The following JAM3 variants were observed in gnomAD, a reference collection of about 807,000 sequenced individuals.
The protein encoded by JAM3 is junctional adhesion molecule 3, also known as junctional adhesion molecule C.
A neutral mutation model predicts 39.4 loss-of-function variants in JAM3; 31 were observed. The observed-to-expected ratio is 0.79, with a 90% CI of 0.59 to 1.06. JAM3 has a LOEUF of 1.06. JAM3 is among the 50% of genes least tolerant of loss of function. JAM3 has a pLI of 0.00. For synonymous variants in JAM3, 182 were observed against 148.7 expected (o/e 1.22, Z -1.63); for missense variants, 455 against 391.4 (o/e 1.16, Z -1.37).
At chr11:134,127,796 C>T (rs1942679547) in intron 1 of JAM3, among the ~76,000 whole-genome samples, 1 of 152,194 alleles carries the variant, frequency 6.6e-6, no homozygotes, top group South Asian at 2.1e-4. Context: ...GTGACAACCG[C>T]TGCTCCTAGA....
intron 1 of JAM3, among the ~76,000 whole-genome samples, chr11:134,069,590 T>G (rs1941454855): frequency 6.6e-6 from 1 of 151,644 alleles, no homozygotes; most frequent in Admixed American, 6.5e-5. Flanking sequence ...CGGGGTCCTG[T>G]GCTGGGCGGT....
chr11:134,077,269 G>T (rs1243658641), intron 1 of JAM3, among the ~76,000 whole-genome samples: 1 of 151,956 alleles, frequency 6.6e-6, no homozygotes, highest in Non-Finnish European at 1.5e-5. Flanking sequence ...CATGTCTTTT[G>T]AGAAGTATCT....
At chr11:134,076,993 CCTGA>C (rs1176155844) in intron 1 of JAM3, among the ~76,000 whole-genome samples, 8 of 151,980 alleles carry the variant, frequency 5.3e-5, no homozygotes, top group African/African-American at 1.2e-4. Context: ...TGCCATCATG[CCTGA>C]CTAATTTTTG....
At chr11:134,103,689 C>CA (rs569203032) in intron 1 of JAM3, among the ~76,000 whole-genome samples, 106 of 150,818 alleles carry the variant, frequency 7.0e-4, no homozygotes, top group African/African-American at 1.9e-3. Flanking sequence ...AAGTGGAAAA[C>CA]AAAAAAAAGG....
chr11:134,125,697 A>G lies in JAM3; in HGVS notation c.77-14154A>G, dbSNP rs1207375250. Among the ~76,000 whole-genome samples, 4 of 152,180 alleles carry G rather than the reference A, an allele frequency of 2.6e-5. No homozygotes were observed. In the East Asian group the frequency reaches 7.7e-4, roughly 29 times the overall value. On this transcript the variant is annotated intron_variant, in intron 1 of 8. Transcript: ENST00000299106. ...GCTGTGAGACGCAGCACAGAATGTG[A>G]GCCCCGACAATACTCAGGAGAATGT... is the stretch of plus-strand genomic sequence containing the variant.
At chr11:134,145,054 T>C in intron 5 of JAM3, 60 bp downstream of exon 5, 1 of 1,354,602 alleles carries the variant, frequency 7.4e-7, no homozygotes, top group Non-Finnish European at 1.1e-6. Context: ...GAGATGCTTA[T>C]TGTGAAAAGA....
intron 1 of JAM3, among the ~76,000 whole-genome samples, chr11:134,128,794 T>C (rs1942705216): frequency 6.6e-6 from 1 of 152,194 alleles, no homozygotes; most frequent in African/African-American, 2.4e-5. Context: ...ACCCAGTCTC[T>C]GGTAGTTCTT....
chr11:134,078,501 A>G (rs1225174544), intron 1 of JAM3, among the ~76,000 whole-genome samples: 2 of 152,256 alleles, frequency 1.3e-5, no homozygotes, highest in African/African-American at 4.8e-5. Context: ...GCCTACAGCT[A>G]TATTGGTTTG....
At chr11:134,117,294 T>A (rs1942454168) in intron 1 of JAM3, among the ~76,000 whole-genome samples, 1 of 152,168 alleles carries the variant, frequency 6.6e-6, no homozygotes, top group South Asian at 2.1e-4. Flanking sequence ...GAAGAATTGC[T>A]TGAACCCGGG....
intron 1 of JAM3, among the ~76,000 whole-genome samples, chr11:134,133,287 C>A (rs1415776682): frequency 2.0e-5 from 3 of 152,050 alleles, no homozygotes; most frequent in Non-Finnish European, 4.4e-5. Context: ...CTTTTTTGTC[C>A]TTTTCTTGAC....
chr11:134,072,767 G>A (rs370622352), intron 1 of JAM3, among the ~76,000 whole-genome samples: 2 of 152,136 alleles, frequency 1.3e-5, no homozygotes, highest in African/African-American at 2.4e-5. Flanking sequence ...AAAATTAGCC[G>A]GGCGTGCTGG....
intron 1 of JAM3, among the ~76,000 whole-genome samples, chr11:134,115,301 AAATCT>A (rs1383296273): frequency 2.6e-5 from 4 of 152,116 alleles, no homozygotes; most frequent in South Asian, 4.2e-4. Context: ...TTTTAGGAGA[AAATCT>A]AATCTAACAA....
At chr11:134,106,650 C>T (rs1295546712) in intron 1 of JAM3, among the ~76,000 whole-genome samples, 2 of 152,140 alleles carry the variant, frequency 1.3e-5, no homozygotes, top group East Asian at 1.9e-4. Context: ...AAGAAAAAAA[C>T]CTCATCAACA....
In JAM3 at chr11:134,149,685, C is replaced by T. The variant is rs1266159933; in HGVS notation, c.*504C>T. On this transcript the variant is annotated 3_prime_UTR_variant, in exon 9 of 9. Coordinates refer to ENST00000299106, the MANE Select transcript of JAM3 (RefSeq NM_032801.5). The stretch of plus-strand genomic sequence containing the variant: ...CCCACAGACACCACCGCAGTTTCTT[C>T]TTAAAGGCTCTGCTGATCGGTGTTG... The T allele has an allele frequency of 8.8e-6, 4 of 456,824 alleles. No homozygotes were observed. Among genetic ancestry groups the T allele is most frequent in the South Asian group, 1.5e-5 (1 of 64,576 alleles). The allele number at this position is 456,824 out of a possible 1,614,324, so 28.3% of individuals were successfully genotyped here. A position where few individuals can be genotyped will look rare whatever the true frequency, so the allele number is the denominator to read the frequency against.
At chr11:134,135,181 C>T (rs1262989145) in intron 1 of JAM3, among the ~76,000 whole-genome samples, 1 of 152,168 alleles carries the variant, frequency 6.6e-6, no homozygotes, top group African/African-American at 2.4e-5. Context: ...ATGTTTTAAG[C>T]TAATTTCTGT....
intron 1 of JAM3, among the ~76,000 whole-genome samples, chr11:134,116,217 A>G (rs181765240): frequency 6.6e-6 from 1 of 152,294 alleles, no homozygotes; most frequent in Non-Finnish European, 1.5e-5. Flanking sequence ...GGTGGATAAG[A>G]TGTTATGAGG....
intron 1 of JAM3, among the ~76,000 whole-genome samples, chr11:134,116,551 GTTGT>G (rs1311407497): frequency 2.0e-5 from 3 of 152,024 alleles, no homozygotes; most frequent in Non-Finnish European, 4.4e-5. Context: ...ATTTTTTGTC[GTTGT>G]TTGTTTTTTA....
intron 1 of JAM3, among the ~76,000 whole-genome samples, chr11:134,094,728 A>G (rs1292003086): frequency 6.6e-6 from 1 of 152,182 alleles, no homozygotes; most frequent in African/African-American, 2.4e-5. Flanking sequence ...TGGCCCCTAT[A>G]CTTTTATAGT....
intron 8 of JAM3, 88 bp from the exon 9 acceptor site, chr11:134,149,058 G>C (rs1295331964): frequency 6.8e-7 from 1 of 1,463,176 alleles, no homozygotes; most frequent in East Asian, 2.3e-5. Context: ...TATTCCATCT[G>C]TATTTAGCCC....
Sources: allele counts gnomAD v4.1 joint callset (sites outside exome capture counted in the v4.1 genomes callset), GRCh38; gene constraint gnomAD v4.1.1; transcripts MANE v1.5; gene names NCBI Gene and HGNC (gene_info 2026-07-23, HGNC 2026-07-21).